The following ZNF506 variants were observed in gnomAD, a reference collection of about 807,000 sequenced individuals.
ZNF506 encodes the protein zinc finger protein 506.
Under a neutral mutation model 11.6 loss-of-function variants are expected in ZNF506, and 10 were observed. The observed-to-expected ratio is 0.86, with a 90% CI of 0.53 to 1.46. The LOEUF is 1.46. Ranked by LOEUF, ZNF506 falls within the 40% of genes most tolerant of loss-of-function variation. The pLI is 0.00. For synonymous variants in ZNF506, 156 were observed against 173.3 expected, an observed-to-expected ratio of 0.90 and a Z score of 0.78; for missense variants, 425 against 521.2, an observed-to-expected ratio of 0.82 and a Z score of 1.80.
chr19:19,810,050 A>G (rs2062872279), intron 1 of ZNF506, among the ~76,000 whole-genome samples: 1 of 152,242 alleles, frequency 6.6e-6, no homozygotes. Context: ...TCAAGCTTTA[A>G]CGAGCTTATA....
chr19:19,800,935 C>T (rs925900147), intron 3 of ZNF506, among the ~76,000 whole-genome samples: 21 of 151,748 alleles, frequency 1.4e-4, no homozygotes, highest in African/African-American at 3.6e-4. Flanking sequence ...CCGAGGCAGG[C>T]GGATCACCTG....
In ZNF506 at chr19:19,795,147, T is replaced by C; in HGVS notation, c.740A>G (p.His247Arg). Residue 247 changes from histidine to arginine, a missense_variant, in exon 4 of 4, where the codon CAT (histidine) becomes CGT (arginine). Physicochemically the swap from His to Arg is conservative, Grantham distance 29. This residue lies in a region of ZNF506 where 7 missense variants were observed against 26.4 expected (regional missense o/e 0.27). Coordinates refer to ENST00000540806, the MANE Select transcript of ZNF506 (RefSeq NM_001099269.3). Reference protein sequence around the residue: ...AYKQSCNLTTHKIIHTGEKPY... With the variant: ...AYKQSCNLTTRKIIHTGEKPY... ...TTTCTCTCCAGTATGAATTATCTTA[T>C]GTGTAGTAAGGTTACAGGACTGCTT... The C allele has an allele frequency of 6.2e-7, 1 of 1,613,842 alleles. No individual in the cohort carries two copies.
Position 19,806,032 on chromosome 19 carries a change from TG to T in ZNF506, c.224del (p.Pro75GlnfsTer17). ...CTATTCATTTTCACTCGCACCTACCTGGGGGTTTGGCAATCATCTCATGCCT... is the reference window on the plus strand; with the variant it reads ...CTATTCATTTTCACTCGCACCTACCTGGGGTTTGGCAATCATCTCATGCCT... ...MKRHEMIAKP[P>X]VMYSHFAQDL... On this transcript the variant is annotated frameshift_variant and splice_region_variant, in exon 3 of 4. Coordinates refer to ENST00000540806, the MANE Select transcript of ZNF506 (RefSeq NM_001099269.3). LOFTEE classifies it low-confidence loss of function (END_TRUNC). 2 of 1,605,092 alleles carry T rather than the reference TG, an allele frequency of 1.2e-6. No individual in the cohort carries two copies. Among genetic ancestry groups the T allele is most frequent in the Non-Finnish European group, 1.7e-6 (2 of 1,176,898 alleles).
At chr19:19,818,073 C>G (rs1432864537) in intron 1 of ZNF506, among the ~76,000 whole-genome samples, 1 of 152,030 alleles carries the variant, frequency 6.6e-6, no homozygotes, top group Non-Finnish European at 1.5e-5. Context: ...AGTGATCAAC[C>G]CCCCTCGGCC....
At chr19:19,808,959 G>A (rs1056669138) in intron 1 of ZNF506, among the ~76,000 whole-genome samples, 3 of 151,800 alleles carry the variant, frequency 2.0e-5, no homozygotes, top group African/African-American at 7.3e-5. Flanking sequence ...GCTCCCTAGA[G>A]AGCAGGTATC....
In ZNF506 at chr19:19,793,112, C is replaced by G. The variant is rs1182026764; in HGVS notation, c.*1440G>C. Among the ~76,000 whole-genome samples the G allele has an allele frequency of 6.6e-6, 1 of 151,786 alleles. No individual in the cohort carries two copies. The highest frequency in any genetic ancestry group is 1.5e-5 in the Non-Finnish European group (1 of 67,978). On this transcript the variant is annotated 3_prime_UTR_variant, in exon 4 of 4. Transcript: ENST00000540806. ...GAAAGTTGTATTACATCATTATTCACTGTTCAAAAATTTTTTTCAAGAAAC... is the reference window on the plus strand; with the variant it reads ...GAAAGTTGTATTACATCATTATTCAGTGTTCAAAAATTTTTTTCAAGAAAC...
At chr19:19,810,386 C>T (rs2062874548) in intron 1 of ZNF506, among the ~76,000 whole-genome samples, 1 of 152,154 alleles carries the variant, frequency 6.6e-6, no homozygotes, top group African/African-American at 2.4e-5. Context: ...TACACATTTA[C>T]TAATGCAATG....
At chr19:19,796,042 G>A (rs951693749) in intron 3 of ZNF506, 5 of 236,070 alleles carry the variant, frequency 2.1e-5, no homozygotes, top group Admixed American at 1.6e-4. Context: ...CCAGCACTCC[G>A]GGAGGCTGAG....
intron 3 of ZNF506, among the ~76,000 whole-genome samples, chr19:19,800,394 AT>A (rs1555771294): frequency 4.2e-4 from 4 of 9,452 alleles, no homozygotes; most frequent in African/African-American, 1.7e-3. Context: ...TAAACAGAAT[AT>A]ATATATATAT....
chr19:19,821,491 G>A, intron 1 of ZNF506, 110 bp downstream of exon 1: 1 of 1,414,230 alleles, frequency 7.1e-7, no homozygotes, highest in East Asian at 2.3e-5. Context: ...AGATTGTGGA[G>A]CTGACTGCCG....
intron 1 of ZNF506, among the ~76,000 whole-genome samples, chr19:19,808,972 TTAA>T (rs1245444744): frequency 2.0e-5 from 3 of 152,290 alleles, no homozygotes; most frequent in East Asian, 1.9e-4. Flanking sequence ...CAGGTATCTC[TTAA>T]TAATTTTTTT....
rs75305311 is a variant in ZNF506, at chr19:19,813,936, C to T, written c.4-6868G>A. Among the ~76,000 whole-genome samples, 143 of 152,012 alleles carry T rather than the reference C, an allele frequency of 9.4e-4. 1 individual carries two copies. In the East Asian group the frequency reaches 0.026, roughly 28 times the overall value. On this transcript the variant is annotated intron_variant, in intron 1 of 3. Transcript: ENST00000540806. ...GAGGCTAAAGTAATCCAATATCATG[C>T]CATGGCACTTTAGTCTGGGCAATAA...
rs901083119 is a variant in ZNF506 at position 19,793,117 on chromosome 19, C to G, written c.*1435G>C. Among the ~76,000 whole-genome samples the G allele has an allele frequency of 3.3e-5, 5 of 151,602 alleles. No homozygotes were observed. Among genetic ancestry groups the G allele is most frequent in the African/African-American group, 9.7e-5 (4 of 41,058 alleles). On this transcript the variant is annotated 3_prime_UTR_variant, in exon 4 of 4. Transcript: ENST00000540806. The stretch of plus-strand genomic sequence containing the variant: ...TTGTATTACATCATTATTCACTGTT[C>G]AAAAATTTTTTTCAAGAAACAAGTA...
At chr19:19,796,047 G>C in intron 3 of ZNF506, 1 of 233,590 alleles carries the variant, frequency 4.3e-6, no homozygotes, top group South Asian at 6.8e-5. Flanking sequence ...ACTCCGGGAG[G>C]CTGAGGCAGG....
At chr19:19,817,434 A>ATT (rs59740974) in intron 1 of ZNF506, among the ~76,000 whole-genome samples, 61 of 46,270 alleles carry the variant, frequency 1.3e-3, no homozygotes, top group Middle Eastern at 0.015. Flanking sequence ...CGTAAATCTG[A>ATT]TTTTTTTTTT....
rs2062710740 is a variant in ZNF506 at position 19,793,420 on chromosome 19, C to T, written c.*1132G>A. 6.6e-6 allele frequency among the ~76,000 whole-genome samples: 1 copy of T among 151,946 alleles called. No homozygotes were observed. ...TTGAAAAAAAAAGTCTTTCCAAATTCATTATATTTGCAGGACTCTTCTCCA... is the reference window on the plus strand; with the variant it reads ...TTGAAAAAAAAAGTCTTTCCAAATTTATTATATTTGCAGGACTCTTCTCCA... On this transcript the variant is annotated 3_prime_UTR_variant, in exon 4 of 4. Transcript: ENST00000540806.
chr19:19,814,646 TA>T (rs899006962), intron 1 of ZNF506, among the ~76,000 whole-genome samples: 3 of 151,104 alleles, frequency 2.0e-5, no homozygotes, highest in African/African-American at 7.3e-5. Flanking sequence ...CTCCATGACA[TA>T]ATTTTAGCTG....
chr19:19,807,147 A>G, intron 1 of ZNF506, 79 bp from the exon 2 acceptor site: 4 of 1,595,976 alleles, frequency 2.5e-6, no homozygotes, highest in Non-Finnish European at 3.4e-6. Flanking sequence ...GAAATGAGAG[A>G]GTAAAGAGAA....
At chr19:19,809,303 G>T (rs2062865677) in intron 1 of ZNF506, among the ~76,000 whole-genome samples, 1 of 152,170 alleles carries the variant, frequency 6.6e-6, no homozygotes. Flanking sequence ...AGAGACCCTT[G>T]ACTATCATAA....
Sources: allele counts gnomAD v4.1 joint callset (sites outside exome capture counted in the v4.1 genomes callset), GRCh38; gene constraint gnomAD v4.1.1; regional missense constraint gnomAD v4.1.1; transcripts MANE v1.5; gene names NCBI Gene and HGNC (gene_info 2026-07-23, HGNC 2026-07-21).